Variants in EYS observed in about 807,000 individuals in gnomAD.
The protein encoded by EYS is protein eyes shut homolog.
In EYS, 250 loss-of-function variants were observed where a neutral mutation model predicts 282.1. The ratio of observed to expected loss-of-function variants is 0.89; its 90% CI spans 0.80 to 0.98. The LOEUF (loss-of-function observed/expected upper bound fraction) is 0.98. Among genes scored for constraint, EYS ranks in the 50% least tolerant of loss-of-function variants. The pLI is 0.00. For synonymous variants in EYS, 1,355 were observed against 1,282.9 expected (o/e 1.06, Z -1.20); for missense variants, 4,016 against 3,709.0 (o/e 1.08, Z -2.15).
chr6:64,808,722 T>C (rs1293186789), intron 22 of EYS, among the ~76,000 whole-genome samples: 1 of 152,176 alleles, frequency 6.6e-6, no homozygotes, highest in Admixed American at 6.6e-5. Flanking sequence ...AAACAAAGAA[T>C]CTACCTATCT....
intron 12 of EYS, among the ~76,000 whole-genome samples, chr6:65,077,413 G>T (rs1561954125): frequency 2.0e-5 from 3 of 152,026 alleles, no homozygotes; most frequent in Admixed American, 2.0e-4. Context: ...ATTCAATAAG[G>T]TAAGCCCACT....
At chr6:65,007,301 T>C (rs1561917255) in intron 13 of EYS, among the ~76,000 whole-genome samples, 2 of 151,886 alleles carry the variant, frequency 1.3e-5, no homozygotes. Flanking sequence ...GGGAAACATT[T>C]CCCCCAAGGC....
chr6:64,403,726 T>C (rs1330884917), intron 28 of EYS, among the ~76,000 whole-genome samples: 3 of 152,118 alleles, frequency 2.0e-5, no homozygotes, highest in Non-Finnish European at 4.4e-5. Context: ...GAAAAGAATA[T>C]TGGGTCATGT....
At chr6:65,435,547 T>C (rs960254716) in intron 5 of EYS, among the ~76,000 whole-genome samples, 3 of 152,124 alleles carry the variant, frequency 2.0e-5, no homozygotes, top group Non-Finnish European at 1.5e-5. Context: ...TTGTTAACTT[T>C]AAAGTTAACA....
At chr6:64,592,656 A>G (rs1562081057) in intron 25 of EYS, among the ~76,000 whole-genome samples, 1 of 152,168 alleles carries the variant, frequency 6.6e-6, no homozygotes, top group Non-Finnish European at 1.5e-5. Context: ...AAAGTTAAAG[A>G]ATTGGACATG....
intron 5 of EYS, among the ~76,000 whole-genome samples, chr6:65,413,177 A>G (rs1767092590): frequency 6.6e-6 from 1 of 152,168 alleles, no homozygotes; most frequent in Admixed American, 6.6e-5. Context: ...CCAAATTAAG[A>G]TATCAGACTT....
At chr6:64,330,903 T>C (rs910269684) in intron 29 of EYS, among the ~76,000 whole-genome samples, 3 of 152,192 alleles carry the variant, frequency 2.0e-5, no homozygotes, top group African/African-American at 7.2e-5. Flanking sequence ...GCCCCCATTG[T>C]GTGGCCCAGG....
In EYS at chr6:64,475,426, C is replaced by T. The variant is rs921855108; in HGVS notation, c.5645-36074G>A. On this transcript the variant is annotated intron_variant, in intron 26 of 42. Coordinates refer to ENST00000503581, the MANE Select transcript of EYS (RefSeq NM_001142800.2). ...ATTAGCCGGGCGTAGTGGCGGGCGC[C>T]TGTAGTCCCAGCTACTTGGGAGGCT... 2.5e-5 allele frequency among the ~76,000 whole-genome samples: 3 copies of T among 119,514 alleles called. 1 individual carries two copies. The highest frequency in any genetic ancestry group is 5.5e-5 in the Non-Finnish European group (3 of 54,778). 78.4% of individuals were successfully genotyped at this position (119,514 alleles called of 152,430 possible). A position where few individuals can be genotyped will look rare whatever the true frequency, so the allele number is the denominator to read the frequency against.
intron 30 of EYS, among the ~76,000 whole-genome samples, chr6:64,272,976 T>C (rs955656843): frequency 2.0e-5 from 3 of 152,160 alleles, no homozygotes; most frequent in Admixed American, 2.0e-4. Flanking sequence ...ATTCATTCCC[T>C]TAATGTTTTT....
chr6:64,088,252 A>G (rs1439074864), intron 31 of EYS, among the ~76,000 whole-genome samples: 3 of 152,064 alleles, frequency 2.0e-5, no homozygotes, highest in Admixed American at 6.6e-5. Context: ...ACACACTCCA[A>G]ATTTATTTCT....
At chr6:65,231,142 C>T (rs768522097) in intron 12 of EYS, among the ~76,000 whole-genome samples, 97 of 27,846 alleles carry the variant, frequency 3.5e-3, no homozygotes, top group East Asian at 0.014. Flanking sequence ...TATATATATA[C>T]TTTTATATAT....
chr6:65,694,233 G>T (rs1419408727), intron 1 of EYS, among the ~76,000 whole-genome samples: 1 of 149,304 alleles, frequency 6.7e-6, no homozygotes, highest in Non-Finnish European at 1.5e-5. Context: ...ACTCCAGGCT[G>T]GGCAACAAGA....
At chr6:65,326,088 A>G (rs1769610455) in intron 11 of EYS, among the ~76,000 whole-genome samples, 1 of 152,120 alleles carries the variant, frequency 6.6e-6, no homozygotes, top group Non-Finnish European at 1.5e-5. Context: ...GAGTACCTAT[A>G]AAATATCATT....
intron 2 of EYS, among the ~76,000 whole-genome samples, chr6:65,624,672 G>A (rs1197855102): frequency 1.3e-5 from 2 of 152,128 alleles, no homozygotes; most frequent in Admixed American, 6.5e-5. Flanking sequence ...AGGAGAAGGT[G>A]GAAGAGCAGA....
At chr6:64,759,064 G>A (rs1165859535) in intron 22 of EYS, among the ~76,000 whole-genome samples, 3 of 152,084 alleles carry the variant, frequency 2.0e-5, no homozygotes, top group Admixed American at 6.5e-5. Flanking sequence ...GCGTGAACCC[G>A]GGAGGCGAAG....
chr6:64,983,274 A>C (rs972595316), intron 14 of EYS, among the ~76,000 whole-genome samples: 2 of 151,272 alleles, frequency 1.3e-5, no homozygotes, highest in Non-Finnish European at 3.0e-5. Context: ...TGATTTAATT[A>C]ACTGAAACTG....
At chr6:65,008,560 G>T (rs770599637) in intron 13 of EYS, among the ~76,000 whole-genome samples, 1 of 152,152 alleles carries the variant, frequency 6.6e-6, no homozygotes, top group East Asian at 1.9e-4. Context: ...TGCCTAATAG[G>T]CCTTGCTTCC....
chr6:64,543,014 G>T (rs1307312228), intron 26 of EYS, among the ~76,000 whole-genome samples: 1 of 152,122 alleles, frequency 6.6e-6, no homozygotes, highest in Non-Finnish European at 1.5e-5. Context: ...AAAAGGAAAT[G>T]CTGTTACAGC....
intron 33 of EYS, among the ~76,000 whole-genome samples, chr6:64,024,849 G>A (rs1344510923): frequency 6.6e-6 from 1 of 152,054 alleles, no homozygotes; most frequent in Admixed American, 6.5e-5. Flanking sequence ...ACAAACTCCC[G>A]ACGCGCCACC....
Sources: allele counts gnomAD v4.1 joint callset (sites outside exome capture counted in the v4.1 genomes callset), GRCh38; gene constraint gnomAD v4.1.1; transcripts MANE v1.5; gene names NCBI Gene and HGNC (gene_info 2026-07-23, HGNC 2026-07-21).